Variants in ATAD2 observed in about 807,000 individuals in gnomAD.
ATAD2 encodes ATPase family AAA domain-containing protein 2.
A neutral mutation model predicts 168.9 loss-of-function variants in ATAD2; 62 were observed. The ratio of observed to expected loss-of-function variants is 0.37; its 90% CI spans 0.30 to 0.45. The LOEUF (loss-of-function observed/expected upper bound fraction) is 0.45. Among genes scored for constraint, ATAD2 ranks in the 20% least tolerant of loss-of-function variants. The pLI is 1.00. For missense variants in ATAD2, 1,419 were observed against 1,667.8 expected (o/e 0.85, Z 2.60); for synonymous variants, 613 against 571.6 (o/e 1.07, Z -1.03).
chr8:123,392,768 GA>G (rs1812643425), intron 1 of ATAD2, among the ~76,000 whole-genome samples: 1 of 152,158 alleles, frequency 6.6e-6, no homozygotes, highest in Non-Finnish European at 1.5e-5. Flanking sequence ...TAAAGGGGTA[GA>G]AAAAGATGTC....
rs557326273 is a variant in ATAD2 at position 123,370,496 on chromosome 8, T to C, written c.727+407A>G. ...GCTGCATAACTCAATCTACTTATGA[T>C]TATGGTAAAACATGCTCACCAAACA... On this transcript the variant is annotated intron_variant, in intron 6 of 27. Coordinates refer to ENST00000287394, the MANE Select transcript of ATAD2 (RefSeq NM_014109.4). 8.5e-5 allele frequency among the ~76,000 whole-genome samples: 13 copies of C among 152,242 alleles called. No homozygotes were observed. The South Asian group carries it at 2.7e-3, about 32-fold the overall frequency.
At chr8:123,392,131 T>G (rs533085348) in intron 1 of ATAD2, among the ~76,000 whole-genome samples, 2 of 152,092 alleles carry the variant, frequency 1.3e-5, no homozygotes, top group South Asian at 4.1e-4. Flanking sequence ...GTAAGAACAA[T>G]CAACAACAAA....
At chr8:123,409,719 G>A (rs1813124426) in intron 1 of ATAD2, among the ~76,000 whole-genome samples, 1 of 151,874 alleles carries the variant, frequency 6.6e-6, no homozygotes. Flanking sequence ...TGTAATCCCA[G>A]CACTTTGGGA....
chr8:123,403,202 A>G (rs1177075779), intron 1 of ATAD2, among the ~76,000 whole-genome samples: 1 of 151,984 alleles, frequency 6.6e-6, no homozygotes, highest in Non-Finnish European at 1.5e-5. Flanking sequence ...AGATTCTCCC[A>G]CCTCAACCTC....
In ATAD2 at chr8:123,346,117, C is replaced by T. The variant is rs1464011619; in HGVS notation, c.2501G>A (p.Ser834Asn). The change falls in exon 18 of 28, where the codon AGT (serine) becomes AAT (asparagine). Residue 834 changes from serine to asparagine, a missense_variant. Ser to Asn is a conservative substitution (Grantham distance 46). Transcript: ENST00000287394. ...TLDIPVLFGV[S>N]TTSPEETCAQ... is the part of the protein sequence containing the mutation. ...ACATGTTTCTTCAGGGGATGTAGTA[C>T]TAACTCCAAAAAGAACAGGAATGTC... The T allele has an allele frequency of 6.3e-7, 1 of 1,588,660 alleles. No individual in the cohort carries two copies. The highest frequency in any genetic ancestry group is 8.5e-7 in the Non-Finnish European group (1 of 1,169,896).
At position 123,349,464 on chromosome 8, in the gene ATAD2, G is replaced by C; in HGVS notation, c.1647-20C>G. ...ATAGAACTAAATTTTAAAAATAAGA[G>C]AGAAGAGATTAATACTATGAACACA... On this transcript the variant is annotated intron_variant, in intron 13 of 27. Coordinates refer to ENST00000287394, the MANE Select transcript of ATAD2 (RefSeq NM_014109.4). 3 of 1,601,612 alleles carry C rather than the reference G, an allele frequency of 1.9e-6. No homozygotes were observed. Among genetic ancestry groups the C allele is most frequent in the Non-Finnish European group, 2.6e-6 (3 of 1,169,594 alleles).
intron 1 of ATAD2, among the ~76,000 whole-genome samples, chr8:123,392,871 C>A (rs1262691541): frequency 6.6e-6 from 1 of 152,130 alleles, no homozygotes; most frequent in Non-Finnish European, 1.5e-5. Context: ...AAGTGATCAA[C>A]TGTTTTGACT....
At chr8:123,406,512 T>C (rs1813070020) in intron 1 of ATAD2, among the ~76,000 whole-genome samples, 1 of 151,680 alleles carries the variant, frequency 6.6e-6, no homozygotes, top group African/African-American at 2.4e-5. Context: ...CTTTATAATA[T>C]TAAACATTAA....
At chr8:123,369,696 AG>A (rs1307964713) in intron 7 of ATAD2, 124 bp downstream of exon 7, 9 of 786,344 alleles carry the variant, frequency 1.1e-5, no homozygotes, top group Non-Finnish European at 1.8e-5. Context: ...TAAAGACAAC[AG>A]TAATGAGTAT....
chr8:123,347,660 G>A (rs148632150), intron 15 of ATAD2, among the ~76,000 whole-genome samples: 23 of 151,762 alleles, frequency 1.5e-4, no homozygotes, highest in Admixed American at 6.6e-4. Flanking sequence ...TCAAAAGCAA[G>A]AGTTTTAAAA....
At chr8:123,340,567 C>T (rs954003120) in intron 19 of ATAD2, among the ~76,000 whole-genome samples, 1 of 152,148 alleles carries the variant, frequency 6.6e-6, no homozygotes, top group African/African-American at 2.4e-5. Context: ...ATGACCCAAA[C>T]GTCTGTCACC....
intron 1 of ATAD2, among the ~76,000 whole-genome samples, chr8:123,390,040 G>A (rs1314970506): frequency 2.8e-5 from 4 of 144,700 alleles, no homozygotes; most frequent in African/African-American, 7.6e-5. Context: ...GTGCAATGGC[G>A]CAATCTCGGC....
intron 1 of ATAD2, among the ~76,000 whole-genome samples, chr8:123,407,098 G>A (rs929320271): frequency 6.6e-6 from 1 of 152,130 alleles, no homozygotes; most frequent in Non-Finnish European, 1.5e-5. Flanking sequence ...AGATTGCAGT[G>A]ATGTGTTTAT....
At chr8:123,368,840 A>G (rs906554969) in intron 8 of ATAD2, among the ~76,000 whole-genome samples, 14 of 152,176 alleles carry the variant, frequency 9.2e-5, no homozygotes, top group Non-Finnish European at 1.5e-5. Flanking sequence ...AAACTACCTT[A>G]CTACGGTAGT....
chr8:123,396,529 T>C, upstream of ATAD2: 2 of 630,760 alleles, frequency 3.2e-6, no homozygotes, highest in African/African-American at 1.9e-5. Context: ...GCCACCACCG[T>C]AGAACAGCAG....
chr8:123,350,456 A>G (rs971837723), intron 13 of ATAD2, among the ~76,000 whole-genome samples: 17 of 152,196 alleles, frequency 1.1e-4, no homozygotes, highest in African/African-American at 4.1e-4. Flanking sequence ...TGATTGTCTC[A>G]AAATACCTGT....
chr8:123,403,793 C>T (rs902712991), intron 1 of ATAD2, among the ~76,000 whole-genome samples: 2 of 152,026 alleles, frequency 1.3e-5, no homozygotes, highest in Non-Finnish European at 2.9e-5. Context: ...TGAGCAGATG[C>T]GAAATGGACA....
At chr8:123,382,438 G>A (rs1450326189) in intron 1 of ATAD2, among the ~76,000 whole-genome samples, 1 of 152,178 alleles carries the variant, frequency 6.6e-6, no homozygotes, top group Non-Finnish European at 1.5e-5. Flanking sequence ...CTTGGGTGGT[G>A]TATTATTTTT....
upstream of ATAD2, chr8:123,400,580 C>G (rs1487334647): frequency 5.6e-6 from 3 of 534,140 alleles, no homozygotes; most frequent in African/African-American, 5.7e-5. This position sits in a 1 kb window ranked among gnomAD's most constrained non-coding sequence, Gnocchi z 4.5. Context: ...GGCAGCCTGA[C>G]AGACTACCTG....
Sources: allele counts gnomAD v4.1 joint callset (sites outside exome capture counted in the v4.1 genomes callset), GRCh38; gene constraint gnomAD v4.1.1; non-coding constraint Gnocchi (gnomAD v3.1); transcripts MANE v1.5; gene names NCBI Gene and HGNC (gene_info 2026-07-23, HGNC 2026-07-21).